Variants in BAALC observed in about 807,000 individuals in gnomAD.
BAALC encodes brain and acute leukemia cytoplasmic protein.
BAALC carries 9 observed loss-of-function variants against 15.5 expected under a neutral mutation model. The observed-to-expected ratio is 0.58, with a 90% confidence interval of 0.35 to 1.02. The LOEUF (loss-of-function observed/expected upper bound fraction) is 1.02, where lower values mean the gene tolerates loss of function less well. Ranked by LOEUF, BAALC falls within the 50% of genes least tolerant of loss-of-function variation. The pLI is 0.02. For missense variants in BAALC, 201 were observed against 192.4 expected (o/e 1.04, Z -0.27); for synonymous variants, 80 against 74.6 (o/e 1.07, Z -0.37).
chr8:103,145,037 C>T (rs1387350901), intron 1 of BAALC, among the ~76,000 whole-genome samples: 1 of 152,196 alleles, frequency 6.6e-6, no homozygotes, highest in Non-Finnish European at 1.5e-5. Context: ...TATCCATTTC[C>T]AAAGCCTCTA....
intron 2 of BAALC, among the ~76,000 whole-genome samples, chr8:103,215,282 T>C (rs1812532103): frequency 1.3e-5 from 2 of 152,212 alleles, no homozygotes; most frequent in South Asian, 4.1e-4. Context: ...ACAAGGAAAC[T>C]GAGGTTCATT....
At chr8:103,165,228 T>A (rs1228281275) in intron 1 of BAALC, among the ~76,000 whole-genome samples, 1 of 152,190 alleles carries the variant, frequency 6.6e-6, no homozygotes, top group Non-Finnish European at 1.5e-5. Flanking sequence ...CTGTGTTACA[T>A]CATGATTTCT....
intron 1 of BAALC, among the ~76,000 whole-genome samples, chr8:103,173,706 T>G (rs1367716452): frequency 1.3e-5 from 2 of 152,200 alleles, no homozygotes; most frequent in Non-Finnish European, 2.9e-5. Flanking sequence ...AAGCCAGAGA[T>G]TTCCAAACTT....
intron 1 of BAALC, among the ~76,000 whole-genome samples, chr8:103,197,700 T>C (rs1239785802): frequency 2.6e-5 from 4 of 152,140 alleles, no homozygotes; most frequent in African/African-American, 9.7e-5. Context: ...TTTACAATCA[T>C]GGTGGAAGGT....
intron 1 of BAALC, among the ~76,000 whole-genome samples, chr8:103,159,332 C>G (rs1811170586): frequency 6.6e-6 from 1 of 152,202 alleles, no homozygotes; most frequent in Non-Finnish European, 1.5e-5. Flanking sequence ...TTGCCTACAT[C>G]AATTATTTCA....
At position 103,143,592 on chromosome 8, in the gene BAALC, T is replaced by G. The variant is rs573454532; in HGVS notation, c.160+2535T>G. Among the ~76,000 whole-genome samples the G allele has an allele frequency of 3.9e-5, 6 of 152,326 alleles. No individual in the cohort carries two copies. In the South Asian group the frequency reaches 1.2e-3, roughly 32 times the overall value. On this transcript the variant is annotated intron_variant, in intron 1 of 2. Transcript: ENST00000309982. The stretch of plus-strand genomic sequence containing the variant: ...GACTCTCAGGGGAATCATCCCCATC[T>G]GAACACTCCTTCAACCACTCACAGA...
In BAALC at chr8:103,229,742, C is replaced by CAA. The variant is rs1414395998; in HGVS notation, c.*1644_*1645dup. 3 of 152,184 alleles carry CAA rather than the reference C, an allele frequency of 2.0e-5. No homozygotes were observed. Among genetic ancestry groups the CAA allele is most frequent in the African/African-American group, 7.2e-5 (3 of 41,444 alleles). 9.4% of individuals were successfully genotyped at this position (152,184 alleles called of 1,614,324 possible). On this transcript the variant is annotated 3_prime_UTR_variant, in exon 3 of 3. Transcript: ENST00000309982. Reference sequence around the variant, plus strand: ...TAAACTAGGTGTTCTAATCAATGTACAAGACTTTACCATACACGCAACTAT... The same window carrying CAA: ...TAAACTAGGTGTTCTAATCAATGTACAAAAGACTTTACCATACACGCAACTAT...
Position 103,177,870 on chromosome 8 carries a change from A to G in BAALC, c.161-35049A>G, listed in dbSNP as rs1811641375. 2.0e-5 allele frequency among the ~76,000 whole-genome samples: 3 copies of G among 152,248 alleles called. No homozygotes were observed. In the South Asian group the frequency reaches 6.2e-4, roughly 32 times the overall value. On this transcript the variant is annotated intron_variant, in intron 1 of 2. Coordinates refer to ENST00000309982, the MANE Select transcript of BAALC (RefSeq NM_024812.3). ...ATGCACTATTCTAAGAGCTTTGTGT[A>G]TATTAACTAGTTGAATCCTCCACAA...
rs1454315562 is a variant in BAALC, at chr8:103,140,986, A to G, written c.89A>G (p.Tyr30Cys). ...TRETESTWLT[Y>C]TDSDAPPSAA... ...GAGACAGAATCCACCTGGCTCACCT[A>G]CACCGACTCGGACGCGCCGCCCAGC... Residue 30 changes from tyrosine to cysteine, a missense_variant, in exon 1 of 3, where the codon TAC becomes TGC. Transcript: ENST00000309982. The surrounding 1 kb of genome is among the most constrained non-coding windows in gnomAD (Gnocchi z 4.2). 6.5e-7 allele frequency: 1 copy of G among 1,535,084 alleles called. No homozygotes were observed.
At chr8:103,226,895 A>G (rs952387356) in intron 2 of BAALC, among the ~76,000 whole-genome samples, 1 of 152,202 alleles carries the variant, frequency 6.6e-6, no homozygotes, top group Non-Finnish European at 1.5e-5. Context: ...AGGGTTAGAG[A>G]GTTGGAAAAA....
intron 1 of BAALC, among the ~76,000 whole-genome samples, chr8:103,212,714 A>G (rs1812474891): frequency 6.6e-6 from 1 of 152,252 alleles, no homozygotes; most frequent in Admixed American, 6.5e-5. Context: ...CATTAAGTAA[A>G]AATTTCAGGT....
At chr8:103,225,762 A>C (rs1812794649) in intron 2 of BAALC, among the ~76,000 whole-genome samples, 1 of 152,110 alleles carries the variant, frequency 6.6e-6, no homozygotes, top group Non-Finnish European at 1.5e-5. Flanking sequence ...GGCTCCAATC[A>C]GATGAGGGCA....
At chr8:103,202,334 A>T (rs760889107) in intron 1 of BAALC, among the ~76,000 whole-genome samples, 25 of 152,140 alleles carry the variant, frequency 1.6e-4, no homozygotes, top group Non-Finnish European at 3.1e-4. Context: ...ATAAGAAGAG[A>T]TTAGGACACA....
chr8:103,225,087 A>C (rs1450201877), intron 2 of BAALC, among the ~76,000 whole-genome samples: 1 of 152,230 alleles, frequency 6.6e-6, no homozygotes, highest in Non-Finnish European at 1.5e-5. Flanking sequence ...AAATAAGCCC[A>C]TAAAAGTCTT....
chr8:103,174,791 T>C lies in BAALC; in HGVS notation c.160+33734T>C, dbSNP rs73701043. Among the ~76,000 whole-genome samples, 1,101 of 152,302 alleles carry C rather than the reference T, an allele frequency of 7.2e-3. 16 individuals carry two copies. The highest frequency in any genetic ancestry group is 0.025 in the African/African-American group (1,021 of 41,568). On this transcript the variant is annotated intron_variant, in intron 1 of 2. Transcript: ENST00000309982. The stretch of plus-strand genomic sequence containing the variant: ...TGGAACTATGTCACATGGCCACATC[T>C]AGCTGCAAGGGAAGCTGGGGAACAT...
intron 1 of BAALC, among the ~76,000 whole-genome samples, chr8:103,197,427 T>C (rs558641909): frequency 1.4e-4 from 22 of 152,326 alleles, no homozygotes; most frequent in African/African-American, 4.8e-4. Flanking sequence ...AAATTCCAAC[T>C]CCATGATCTT....
intron 1 of BAALC, among the ~76,000 whole-genome samples, chr8:103,209,144 G>A (rs1812394162): frequency 6.6e-6 from 1 of 152,138 alleles, no homozygotes; most frequent in African/African-American, 2.4e-5. Flanking sequence ...GGCCAAGGCG[G>A]GTGGATCACT....
chr8:103,200,187 G>C (rs562191256), intron 1 of BAALC, among the ~76,000 whole-genome samples: 1 of 152,202 alleles, frequency 6.6e-6, no homozygotes, highest in East Asian at 1.9e-4. Flanking sequence ...TATTATTAAA[G>C]GGTCAAAAAA....
At chr8:103,175,080 A>G (rs949569134) in intron 1 of BAALC, among the ~76,000 whole-genome samples, 4 of 152,168 alleles carry the variant, frequency 2.6e-5, no homozygotes, top group African/African-American at 4.8e-5. Flanking sequence ...CACTCCCTGC[A>G]GTTACTCACC....
Sources: gnomAD v4.1 joint callset for allele counts (sites outside exome capture counted in the v4.1 genomes callset) on GRCh38, gnomAD v4.1.1 for gene constraint, Gnocchi (gnomAD v3.1) non-coding constraint, MANE v1.5 for transcripts, NCBI Gene and HGNC (gene_info 2026-07-23, HGNC 2026-07-21) for gene names.